The following EYA1 variants were observed in gnomAD, a reference collection of about 807,000 sequenced individuals.
The protein encoded by EYA1 is EYA transcriptional coactivator and phosphatase 1, also known as protein phosphatase EYA1.
A neutral mutation model predicts 82.0 loss-of-function variants in EYA1; 16 were observed. The ratio of observed to expected loss-of-function variants is 0.20; its 90% CI spans 0.13 to 0.30. The LOEUF (loss-of-function observed/expected upper bound fraction) is 0.30. EYA1 is among the 10% of genes least tolerant of loss of function. The pLI, the probability that EYA1 is intolerant of heterozygous loss-of-function variation, is 1.00. For missense variants in EYA1, 633 were observed against 730.7 expected (o/e 0.87, Z 1.54); for synonymous variants, 261 against 264.4 (o/e 0.99, Z 0.12).
chr8:71,397,199 GT>G (rs1829677952), intron 2 of EYA1, among the ~76,000 whole-genome samples: 2 of 152,082 alleles, frequency 1.3e-5, no homozygotes, highest in Non-Finnish European at 2.9e-5. Flanking sequence ...TGTGAGATGG[GT>G]TTCCTGAATA....
intron 9 of EYA1, among the ~76,000 whole-genome samples, chr8:71,289,104 A>G (rs1202683215): frequency 2.6e-5 from 4 of 152,192 alleles, no homozygotes; most frequent in Non-Finnish European, 5.9e-5. Context: ...AAAGAAAAAA[A>G]GGAGGACAAG....
chr8:71,222,365 GA>G lies in EYA1; in HGVS notation c.1141-5343del, dbSNP rs1363773651. Among the ~76,000 whole-genome samples, 7 of 152,276 alleles carry G rather than the reference GA, an allele frequency of 4.6e-5. No individual in the cohort carries two copies. In the South Asian group the frequency reaches 8.3e-4, roughly 18 times the overall value. ...GCAAAGTTGCGATTATCCTCCACTA[GA>G]AAAATTTTACAATTAATTACCAAAC... On this transcript the variant is annotated intron_variant, in intron 12 of 17. Transcript: ENST00000340726.
At chr8:71,441,710 G>A (rs1415244509) in intron 2 of EYA1, among the ~76,000 whole-genome samples, 3 of 152,108 alleles carry the variant, frequency 2.0e-5, no homozygotes, top group African/African-American at 7.2e-5. Flanking sequence ...AATATTTAAT[G>A]AGGTATAATA....
At chr8:71,434,083 G>C (rs996929656) in intron 2 of EYA1, among the ~76,000 whole-genome samples, 1 of 152,184 alleles carries the variant, frequency 6.6e-6, no homozygotes, top group Non-Finnish European at 1.5e-5. Context: ...GGTGTGAAAG[G>C]AGAAGCAGAA....
chr8:71,542,065 T>C (rs1309362990), intron 1 of EYA1, among the ~76,000 whole-genome samples: 1 of 152,176 alleles, frequency 6.6e-6, no homozygotes, highest in Non-Finnish European at 1.5e-5. Flanking sequence ...AAATATCTAC[T>C]CCTTTACTTT....
At chr8:71,518,994 A>G (rs955143198) in intron 2 of EYA1, among the ~76,000 whole-genome samples, 2 of 152,210 alleles carry the variant, frequency 1.3e-5, no homozygotes, top group African/African-American at 2.4e-5. Flanking sequence ...AGAAATGTGT[A>G]AAAAGCAGTA....
intron 11 of EYA1, among the ~76,000 whole-genome samples, chr8:71,251,839 T>C (rs1051764994): frequency 6.6e-6 from 1 of 152,188 alleles, no homozygotes; most frequent in Non-Finnish European, 1.5e-5. Flanking sequence ...TGATTTTTTT[T>C]TTAATCCTCA....
intron 2 of EYA1, among the ~76,000 whole-genome samples, chr8:71,509,980 G>A (rs970984530): frequency 2.0e-5 from 3 of 151,426 alleles, no homozygotes; most frequent in Admixed American, 2.0e-4. Flanking sequence ...GATGGTAATG[G>A]TATTTTTAGA....
intron 11 of EYA1, among the ~76,000 whole-genome samples, chr8:71,263,949 A>G (rs769188959): frequency 1.3e-5 from 2 of 152,236 alleles, no homozygotes; most frequent in Non-Finnish European, 2.9e-5. Context: ...GGAGCATTCA[A>G]TCAAGTTTCA....
upstream of EYA1, chr8:71,362,166 T>C: frequency 2.0e-6 from 2 of 977,986 alleles, no homozygotes; most frequent in South Asian, 4.8e-5. Context: ...TTTTTTTTTT[T>C]TTTTTTTTTT....
chr8:71,273,195 G>C (rs1423638937), intron 9 of EYA1, among the ~76,000 whole-genome samples: 1 of 152,146 alleles, frequency 6.6e-6, no homozygotes, highest in Admixed American at 6.5e-5. Flanking sequence ...AAACAAGCAA[G>C]AGACTTCTTC....
chr8:71,456,704 C>T (rs958062737), intron 2 of EYA1, among the ~76,000 whole-genome samples: 2 of 152,032 alleles, frequency 1.3e-5, no homozygotes, highest in Non-Finnish European at 2.9e-5. Context: ...ACTGGCTAGC[C>T]ATATGTAGGA....
intron 9 of EYA1, among the ~76,000 whole-genome samples, chr8:71,284,454 G>A (rs1394873376): frequency 6.6e-6 from 1 of 152,194 alleles, no homozygotes; most frequent in Non-Finnish European, 1.5e-5. Flanking sequence ...ACATTCCAGA[G>A]CAGCCTTGAT....
intron 2 of EYA1, among the ~76,000 whole-genome samples, chr8:71,377,238 T>A (rs889562442): frequency 4.6e-4 from 70 of 152,322 alleles, no homozygotes; most frequent in African/African-American, 1.5e-3. Flanking sequence ...AAGCTATCTA[T>A]GTGGTGGAAG....
chr8:71,266,586 C>T (rs554109601), intron 11 of EYA1, among the ~76,000 whole-genome samples: 13 of 152,224 alleles, frequency 8.5e-5, no homozygotes, highest in African/African-American at 2.4e-4. Flanking sequence ...ACAGGCTGAC[C>T]GCAAGTGTTC....
intron 12 of EYA1, among the ~76,000 whole-genome samples, chr8:71,239,054 T>A (rs1328635920): frequency 6.6e-6 from 1 of 152,140 alleles, no homozygotes; most frequent in Non-Finnish European, 1.5e-5. Context: ...ACTTTTATAT[T>A]TCTATTTTTA....
chr8:71,288,908 A>C (rs1313170640), intron 9 of EYA1, among the ~76,000 whole-genome samples: 1 of 152,192 alleles, frequency 6.6e-6, no homozygotes, highest in Non-Finnish European at 1.5e-5. Flanking sequence ...GAGGTCCCTG[A>C]AGTTTCTGAA....
At chr8:71,524,597 T>C (rs1457809851) in intron 2 of EYA1, among the ~76,000 whole-genome samples, 1 of 152,180 alleles carries the variant, frequency 6.6e-6, no homozygotes, top group Non-Finnish European at 1.5e-5. Flanking sequence ...TACTATATAC[T>C]TTGCCAAATG....
intron 12 of EYA1, among the ~76,000 whole-genome samples, chr8:71,233,333 G>A (rs1287897636): frequency 6.6e-6 from 1 of 152,080 alleles, no homozygotes; most frequent in Non-Finnish European, 1.5e-5. Context: ...GGGAGGCCAA[G>A]GCGGGCAGAT....
Sources: allele counts gnomAD v4.1 joint callset (sites outside exome capture counted in the v4.1 genomes callset), GRCh38; gene constraint gnomAD v4.1.1; transcripts MANE v1.5; gene names NCBI Gene and HGNC (gene_info 2026-07-23, HGNC 2026-07-21).